The following GLIS3 variants were observed in gnomAD, a reference collection of about 807,000 sequenced individuals.
GLIS3 encodes the protein zinc finger protein GLIS3.
A neutral mutation model predicts 78.6 loss-of-function variants in GLIS3; 53 were observed. The ratio of observed to expected loss-of-function variants is 0.67; its 90% CI spans 0.54 to 0.85. The LOEUF (loss-of-function observed/expected upper bound fraction) is 0.85. Among genes scored for constraint, GLIS3 ranks in the 40% least tolerant of loss-of-function variants. The probability of loss-of-function intolerance (pLI) is 0.00; values close to 1 mark genes in which losing one functional copy is unlikely to be tolerated. For missense variants in GLIS3, 1,703 were observed against 1,231.1 expected (o/e 1.38, Z -5.74); for synonymous variants, 684 against 509.9 (o/e 1.34, Z -4.60).
chr9:4,207,198 G>A (rs185317415), intron 2 of GLIS3, among the ~76,000 whole-genome samples: 84 of 152,116 alleles, frequency 5.5e-4, no homozygotes, highest in Non-Finnish European at 1.0e-3. Context: ...CTCCCCTCCC[G>A]ACACAGAGCA....
intron 4 of GLIS3, among the ~76,000 whole-genome samples, chr9:4,059,662 C>T (rs1826458230): frequency 2.6e-5 from 4 of 152,114 alleles, no homozygotes; most frequent in Non-Finnish European, 5.9e-5. Flanking sequence ...CAACATGTGG[C>T]CATTCCAAAT....
intron 4 of GLIS3, among the ~76,000 whole-genome samples, chr9:3,946,603 T>C: frequency 6.6e-6 from 1 of 152,188 alleles, no homozygotes; most frequent in Non-Finnish European, 1.5e-5. Flanking sequence ...TAACAACATA[T>C]GGTTGTATTT....
the GLIS3 span, among the ~76,000 whole-genome samples, chr9:4,419,851 G>A: frequency 6.6e-6 from 1 of 152,040 alleles, no homozygotes; most frequent in East Asian, 1.9e-4. Flanking sequence ...CTATCTCAAT[G>A]ACATTACCAA....
intron 4 of GLIS3, among the ~76,000 whole-genome samples, chr9:4,107,882 C>T (rs955246590): frequency 6.6e-6 from 1 of 152,046 alleles, no homozygotes; most frequent in Non-Finnish European, 1.5e-5. Context: ...TGGGAAATTT[C>T]AAATCTTCAC....
chr9:4,293,441 A>C (rs1816201170), intron 1 of GLIS3, among the ~76,000 whole-genome samples: 1 of 152,222 alleles, frequency 6.6e-6, no homozygotes, highest in Non-Finnish European at 1.5e-5. Context: ...TCACTGCGGA[A>C]GTATGAACAT....
chr9:4,059,829 T>TGTGTGTGA lies in GLIS3; in HGVS notation c.1710+57938_1710+57939insTCACACAC. 1.1e-3 allele frequency among the ~76,000 whole-genome samples: 108 copies of TGTGTGTGA among 100,712 alleles called. 2 individuals carry two copies. The highest frequency in any genetic ancestry group is 4.0e-3 in the South Asian group (10 of 2,488). The allele number at this position is 100,712 out of a possible 152,430, so 66.1% of individuals were successfully genotyped here. A position where few individuals can be genotyped will look rare whatever the true frequency, so the allele number is the denominator to read the frequency against. ...TTGTGTGTGTGTGTGTGTGTGTGTGTGAGAGAGAGAGAGAGAGAGAGAGAG... is the reference window on the plus strand; with the variant it reads ...TTGTGTGTGTGTGTGTGTGTGTGTGTGTGTGTGAGAGAGAGAGAGAGAGAGAGAGAGAG... On this transcript the variant is annotated intron_variant, in intron 4 of 10. Coordinates refer to ENST00000381971, the MANE Select transcript of GLIS3 (RefSeq NM_001042413.2).
At chr9:4,131,745 C>G (rs1832988167) in intron 2 of GLIS3, among the ~76,000 whole-genome samples, 1 of 152,086 alleles carries the variant, frequency 6.6e-6, no homozygotes, top group South Asian at 2.1e-4. Flanking sequence ...TATTTCTTTA[C>G]AGCAATGTGA....
At chr9:3,981,632 A>G (rs964825117) in intron 4 of GLIS3, among the ~76,000 whole-genome samples, 1 of 152,192 alleles carries the variant, frequency 6.6e-6, no homozygotes, top group Admixed American at 6.5e-5. Flanking sequence ...GAAACATATC[A>G]GGGGTATGAT....
chr9:4,189,316 G>C (rs948089115), intron 2 of GLIS3, among the ~76,000 whole-genome samples: 1 of 152,162 alleles, frequency 6.6e-6, no homozygotes, highest in Non-Finnish European at 1.5e-5. Flanking sequence ...TTTTGAGTGA[G>C]TTTCTTAATC....
chr9:4,456,583 G>A, the GLIS3 span, among the ~76,000 whole-genome samples: 1 of 152,180 alleles, frequency 6.6e-6, no homozygotes, highest in Non-Finnish European at 1.5e-5. Flanking sequence ...ATTCACAACT[G>A]TTTGGTGCAA....
chr9:3,851,180 G>C (rs925720067), intron 9 of GLIS3, among the ~76,000 whole-genome samples: 7 of 152,150 alleles, frequency 4.6e-5, no homozygotes, highest in African/African-American at 1.7e-4. Context: ...TATTTAGAAA[G>C]AAATGATCCA....
the GLIS3 span, among the ~76,000 whole-genome samples, chr9:4,472,725 G>A: frequency 6.6e-6 from 1 of 151,998 alleles, no homozygotes; most frequent in East Asian, 1.9e-4. Flanking sequence ...CCTGCACGTT[G>A]TGCACATGTA....
At chr9:4,089,253 G>T (rs1401839410) in intron 4 of GLIS3, among the ~76,000 whole-genome samples, 1 of 152,084 alleles carries the variant, frequency 6.6e-6, no homozygotes, top group Non-Finnish European at 1.5e-5. Context: ...AACAAGACAC[G>T]TATCACCTCT....
the GLIS3 span, chr9:4,386,436 G>A: frequency 2.4e-4 from 37 of 151,660 alleles, no homozygotes; most frequent in Admixed American, 7.9e-4. Context: ...TCACAAATTT[G>A]CATGTTATCC....
At chr9:4,304,434 T>C (rs1817174934), upstream of GLIS3, among the ~76,000 whole-genome samples, 1 of 152,210 alleles carries the variant, frequency 6.6e-6, no homozygotes, top group African/African-American at 2.4e-5. Context: ...TATGCAATGC[T>C]TAGAATAAGG....
the GLIS3 span, among the ~76,000 whole-genome samples, chr9:4,472,403 T>C: frequency 6.6e-6 from 1 of 152,214 alleles, no homozygotes; most frequent in Non-Finnish European, 1.5e-5. Flanking sequence ...GTGGCACATA[T>C]ACATCATGGA....
intron 4 of GLIS3, among the ~76,000 whole-genome samples, chr9:4,103,145 C>CAATTCAACACAT (rs1830498238): frequency 6.6e-6 from 1 of 152,150 alleles, no homozygotes; most frequent in Admixed American, 6.6e-5. Context: ...ATCATAATCA[C>CAATTCAACACAT]AGTAAACAAA....
intron 2 of GLIS3, among the ~76,000 whole-genome samples, chr9:4,272,997 C>T (rs1826656027): frequency 6.6e-6 from 1 of 152,124 alleles, no homozygotes; most frequent in African/African-American, 2.4e-5. Context: ...TTTATTTCAC[C>T]TCAGTGCATG....
At chr9:3,899,255 T>C (rs1240073904) in intron 6 of GLIS3, among the ~76,000 whole-genome samples, 1 of 152,198 alleles carries the variant, frequency 6.6e-6, no homozygotes, top group African/African-American at 2.4e-5. Context: ...GAAATGCCCA[T>C]TGAGATTTAA....
Sources: gnomAD v4.1 joint callset for allele counts (sites outside exome capture counted in the v4.1 genomes callset) on GRCh38, gnomAD v4.1.1 for gene constraint, MANE v1.5 for transcripts, NCBI Gene and HGNC (gene_info 2026-07-23, HGNC 2026-07-21) for gene names.